The following PACRGL variants were observed in gnomAD, a reference collection of about 807,000 sequenced individuals.
PACRGL encodes parkin coregulated like, also known as PACRG-like protein.
Under a neutral mutation model 34.5 loss-of-function variants are expected in PACRGL, and 38 were observed. The ratio of observed to expected loss-of-function variants is 1.10; its 90% CI spans 0.85 to 1.44. The LOEUF is 1.44. Among genes scored for constraint, PACRGL ranks in the 40% most tolerant of loss-of-function variants. The probability of loss-of-function intolerance (pLI) is 0.00; values close to 1 mark genes in which losing one functional copy is unlikely to be tolerated. For synonymous variants in PACRGL, 128 were observed against 100.1 expected (o/e 1.28, Z -1.66); for missense variants, 305 against 281.4 (o/e 1.08, Z -0.60).
chr4:20,711,734 A>G (rs1218730483), intron 5 of PACRGL, among the ~76,000 whole-genome samples: 2 of 152,126 alleles, frequency 1.3e-5, no homozygotes, highest in African/African-American at 4.8e-5. Context: ...TTGACTCACT[A>G]TGATTGGTTA....
downstream of PACRGL, among the ~76,000 whole-genome samples, chr4:20,736,217 T>C (rs1417827787): frequency 6.6e-6 from 1 of 152,236 alleles, no homozygotes; most frequent in Non-Finnish European, 1.5e-5. Context: ...ATATTTGTTT[T>C]ACTAGCTAAC....
intron 4 of PACRGL, among the ~76,000 whole-genome samples, chr4:20,709,443 C>T (rs1242296807): frequency 6.6e-6 from 1 of 152,204 alleles, no homozygotes; most frequent in Non-Finnish European, 1.5e-5. Flanking sequence ...TCACAGACAG[C>T]AACATGCTTA....
chr4:20,725,838 T>TG (rs1745405718), intron 8 of PACRGL, among the ~76,000 whole-genome samples: 1 of 151,794 alleles, frequency 6.6e-6, no homozygotes, highest in Admixed American at 6.6e-5. Context: ...TACTAGATAA[T>TG]GAATTTCTTT....
chr4:20,747,645 C>T (rs989091439), intron 8 of PACRGL, among the ~76,000 whole-genome samples: 1 of 152,134 alleles, frequency 6.6e-6, no homozygotes, highest in African/African-American at 2.4e-5. Flanking sequence ...TTCATTCCTT[C>T]TCCACTCTCA....
intron 8 of PACRGL, among the ~76,000 whole-genome samples, chr4:20,748,852 T>C (rs1752993509): frequency 6.7e-6 from 1 of 148,794 alleles, no homozygotes; most frequent in South Asian, 2.1e-4. Flanking sequence ...TATTTACCAT[T>C]TGAATCATAT....
downstream of PACRGL, chr4:20,734,536 A>C (rs1276658080): frequency 3.2e-6 from 2 of 632,242 alleles, no homozygotes. Context: ...TTCCTCAAAA[A>C]AACTTTTCAA....
intron 5 of PACRGL, among the ~76,000 whole-genome samples, chr4:20,710,745 A>G (rs984138458): frequency 3.9e-5 from 6 of 152,336 alleles, no homozygotes; most frequent in Admixed American, 2.6e-4. Context: ...TTCCTCATTT[A>G]ATTCTCCAAA....
At position 20,713,553 on chromosome 4, in the gene PACRGL, A is replaced by G; in HGVS notation, c.609+14A>G. 6.4e-7 allele frequency: 1 copy of G among 1,569,300 alleles called. No individual in the cohort carries two copies. Among genetic ancestry groups the G allele is most frequent in the Non-Finnish European group, 8.8e-7 (1 of 1,139,894 alleles). ...CTGCTTACAAGCGTAAGTACTGCAA[A>G]GATTAGATAATGATTGACTGTATGT... On this transcript the variant is annotated intron_variant, in intron 7 of 8. Transcript: ENST00000503585.
chr4:20,739,600 T>A (rs529864192), intron 8 of PACRGL, among the ~76,000 whole-genome samples: 2 of 152,180 alleles, frequency 1.3e-5, no homozygotes, highest in South Asian at 4.1e-4. Flanking sequence ...GTCACCATCA[T>A]CAAAGACCAA....
intron 8 of PACRGL, among the ~76,000 whole-genome samples, chr4:20,740,774 A>G (rs1307046656): frequency 6.6e-6 from 1 of 152,174 alleles, no homozygotes; most frequent in Non-Finnish European, 1.5e-5. Context: ...AAAGACACAA[A>G]CTGGCAAATA....
intron 3 of PACRGL, 78 bp from the exon 4 acceptor site, chr4:20,707,725 G>A (rs1048302641): frequency 1.8e-5 from 21 of 1,192,746 alleles, no homozygotes; most frequent in East Asian, 9.4e-5. Context: ...CCAGCTTGGC[G>A]GTTTGAAAAG....
chr4:20,747,652 C>G (rs939048399), intron 8 of PACRGL, among the ~76,000 whole-genome samples: 4 of 152,094 alleles, frequency 2.6e-5, no homozygotes, highest in Non-Finnish European at 5.9e-5. Context: ...CTTCTCCACT[C>G]TCAGCTTTTA....
rs1560402129 is a variant in PACRGL at position 20,731,361 on chromosome 4, A to C, written c.*4020A>C. ...AGTGCTGGGATTACAGTTGTGAGCT[A>C]CTGTACCAGGCCTTAACAATTTTTA... On this transcript the variant is annotated 3_prime_UTR_variant, in exon 9 of 9. Coordinates refer to ENST00000503585, the MANE Select transcript of PACRGL (RefSeq NM_001258345.3). 1 of 981,016 alleles carries C rather than the reference A, an allele frequency of 1.0e-6. No individual in the cohort carries two copies. Among genetic ancestry groups the C allele is most frequent in the African/African-American group, 1.8e-5 (1 of 57,138 alleles). The allele number at this position is 981,016 out of a possible 1,614,324, so 60.8% of individuals were successfully genotyped here. A position where few individuals can be genotyped will look rare whatever the true frequency, so the allele number is the denominator to read the frequency against.
At chr4:20,744,703 C>T (rs1429023498) in intron 8 of PACRGL, among the ~76,000 whole-genome samples, 1 of 152,074 alleles carries the variant, frequency 6.6e-6, no homozygotes, top group Admixed American at 6.6e-5. Flanking sequence ...ACCAACATGG[C>T]ACATGTATAC....
At chr4:20,759,773 G>A in the PACRGL span, among the ~76,000 whole-genome samples, 1 of 152,208 alleles carries the variant, frequency 6.6e-6, no homozygotes, top group African/African-American at 2.4e-5. Context: ...ATAAGAACCA[G>A]TGTGGTTAAG....
At chr4:20,715,598 T>G (rs1739534285) in intron 7 of PACRGL, among the ~76,000 whole-genome samples, 1 of 152,106 alleles carries the variant, frequency 6.6e-6, no homozygotes, top group South Asian at 2.1e-4. Flanking sequence ...CCGGGCGTAG[T>G]GGCTCACACC....
intron 7 of PACRGL, among the ~76,000 whole-genome samples, chr4:20,715,886 T>G (rs1739729576): frequency 6.6e-6 from 1 of 152,046 alleles, no homozygotes; most frequent in South Asian, 2.1e-4. Flanking sequence ...AAAAGTCGAA[T>G]GGATAAAAGC....
intron 8 of PACRGL, among the ~76,000 whole-genome samples, chr4:20,726,686 G>A (rs926534303): frequency 7.9e-5 from 12 of 152,034 alleles, no homozygotes; most frequent in Non-Finnish European, 8.8e-5. Context: ...ATCAATGATG[G>A]AACTATTCAA....
At chr4:20,745,011 C>T (rs913128608) in intron 8 of PACRGL, among the ~76,000 whole-genome samples, 2 of 152,088 alleles carry the variant, frequency 1.3e-5, no homozygotes, top group Non-Finnish European at 2.9e-5. Context: ...AAACCTAGTC[C>T]AGGTCTAAGA....
Sources: allele counts gnomAD v4.1 joint callset (sites outside exome capture counted in the v4.1 genomes callset), GRCh38; gene constraint gnomAD v4.1.1; transcripts MANE v1.5; gene names NCBI Gene and HGNC (gene_info 2026-07-23, HGNC 2026-07-21).